CACNA1G: variants seen among roughly 807,000 people sequenced by gnomAD.
CACNA1G encodes calcium voltage-gated channel subunit alpha1 G, also known as voltage-dependent T-type calcium channel subunit alpha-1G.
CACNA1G carries 67 observed loss-of-function variants against 219.4 expected under a neutral mutation model. The observed-to-expected ratio is 0.31, with a 90% CI of 0.25 to 0.37. The LOEUF is 0.37. Ranked by LOEUF, CACNA1G falls within the 10% of genes least tolerant of loss-of-function variation. The pLI, the probability that CACNA1G is intolerant of heterozygous loss-of-function variation, is 1.00. For missense variants in CACNA1G, 2,380 were observed against 3,231.4 expected (o/e 0.74, Z 6.39); for synonymous variants, 1,296 against 1,345.3 (o/e 0.96, Z 0.80).
In CACNA1G at chr17:50,617,430, C is replaced by T. The variant is rs781604233; in HGVS notation, c.5022-8C>T. 1.9e-6 allele frequency: 3 copies of T among 1,611,316 alleles called. No homozygotes were observed. The East Asian group carries it at 6.7e-5, about 36-fold the overall frequency. On this transcript the variant is annotated splice_region_variant and splice_polypyrimidine_tract_variant and intron_variant, in intron 28 of 37. Transcript: ENST00000359106. The surrounding 1 kb of genome is among the most constrained non-coding windows in gnomAD (Gnocchi z 5.8). ...CCAACTCAGGGAGCTGTATTCTGGG[C>T]TTTCCAGGTGGAACCAGCTGGACCT...
chr17:50,601,227 G>C, intron 19 of CACNA1G, 53 bp downstream of exon 19: 1 of 1,597,508 alleles, frequency 6.3e-7, no homozygotes, highest in South Asian at 1.1e-5. Context: ...TTGCACTCAG[G>C]ACCAGTGAGG....
rs191877147 is a variant in CACNA1G at position 50,591,315 on chromosome 17, C to T, written c.2454-120C>T. 1,066 of 990,906 alleles carry T rather than the reference C, an allele frequency of 1.1e-3. 10 individuals are homozygous for T. In the African/African-American group the frequency reaches 0.016, roughly 15 times the overall value. 61.4% of individuals were successfully genotyped at this position (990,906 alleles called of 1,614,324 possible). On this transcript the variant is annotated intron_variant, in intron 10 of 37. Transcript: ENST00000359106. Reference sequence around the variant, plus strand: ...TTAGAGGTCTGGGGGCCCACCTGTGCCCCATTTTCTCTCGACGTGCCCACC... The same window carrying T: ...TTAGAGGTCTGGGGGCCCACCTGTGTCCCATTTTCTCTCGACGTGCCCACC...
chr17:50,564,163 T>TG (rs1249645068), intron 1 of CACNA1G, among the ~76,000 whole-genome samples: 8 of 141,644 alleles, frequency 5.6e-5, no homozygotes, highest in African/African-American at 1.0e-4. Flanking sequence ...TGTGTGTGTG[T>TG]TGCAAGGGAG....
rs115505422 is a variant in CACNA1G at position 50,570,194 on chromosome 17, C to G, written c.586+391C>G. ...AGCCTCTCATGCAATCTGGTTCTTGCTGGTGAGACACGCTGGCCACGCTGA... is the reference window on the plus strand; with the variant it reads ...AGCCTCTCATGCAATCTGGTTCTTGGTGGTGAGACACGCTGGCCACGCTGA... On this transcript the variant is annotated intron_variant, in intron 4 of 37. Coordinates refer to ENST00000359106, the MANE Select transcript of CACNA1G (RefSeq NM_018896.5). Among the ~76,000 whole-genome samples, 1,252 of 152,316 alleles carry G rather than the reference C, an allele frequency of 8.2e-3. 20 individuals are homozygous for G. The highest frequency in any genetic ancestry group is 0.028 in the African/African-American group (1,157 of 41,554).
At chr17:50,604,344 C>A in intron 22 of CACNA1G, 63 bp downstream of exon 22, 1 of 1,582,732 alleles carries the variant, frequency 6.3e-7, no homozygotes, top group South Asian at 1.1e-5. Context: ...CCCCTTGGCC[C>A]CTGGGTCCTA....
Position 50,617,837 on chromosome 17 carries a change from A to G in CACNA1G, c.5156-22A>G, listed in dbSNP as rs2050905247. On this transcript the variant is annotated intron_variant, in intron 29 of 37. Coordinates refer to ENST00000359106, the MANE Select transcript of CACNA1G (RefSeq NM_018896.5). This position sits in a 1 kb window ranked among gnomAD's most constrained non-coding sequence, Gnocchi z 5.8. ...GCCGGGGACCCAAAGAGGCCAGCTC[A>G]TGACGTTGTCCTGTTCTGCAGTGCT... 6.2e-7 allele frequency: 1 copy of G among 1,612,318 alleles called. No individual in the cohort carries two copies. Among genetic ancestry groups the G allele is most frequent in the South Asian group, 1.1e-5 (1 of 91,036 alleles).
intron 9 of CACNA1G, among the ~76,000 whole-genome samples, chr17:50,586,053 C>A (rs2412329): frequency 0.45 from 68,727 of 151,914 alleles, 16,568 homozygotes; most frequent in East Asian, 0.89. Context: ...GCCCCTCATG[C>A]CCTCTCTGCA....
At position 50,624,032 on chromosome 17, in the gene CACNA1G, G is replaced by T; in HGVS notation, c.6186G>T (p.Gly2062=). 2.5e-6 allele frequency: 4 copies of T among 1,612,776 alleles called. No homozygotes were observed. The highest frequency in any genetic ancestry group is 3.4e-6 in the Non-Finnish European group (4 of 1,179,720). ...YMCRHGSTAE[G]PLGHRGWGLP... ...GTCGGCATGGGAGCACTGCCGAGGG[G>T]CCCCTGGGACACAGGGGCTGGGGGC... Residue 2062 remains glycine, a synonymous_variant, in exon 36 of 38, where the codon GGG becomes GGT. Transcript: ENST00000359106.
chr17:50,574,571 C>T (rs539946403), intron 7 of CACNA1G, among the ~76,000 whole-genome samples: 18 of 152,178 alleles, frequency 1.2e-4, no homozygotes, highest in African/African-American at 4.3e-4. Flanking sequence ...GTGCCCCCCC[C>T]ACCCCCACTC....
chr17:50,610,777 A>G lies in CACNA1G; in HGVS notation c.4759+842A>G, dbSNP rs141070524. Among the ~76,000 whole-genome samples, 794 of 152,356 alleles carry G rather than the reference A, an allele frequency of 5.2e-3. 8 individuals are homozygous for G. The highest frequency in any genetic ancestry group is 8.4e-3 in the Non-Finnish European group (569 of 68,044). On this transcript the variant is annotated intron_variant, in intron 26 of 37. Coordinates refer to ENST00000359106, the MANE Select transcript of CACNA1G (RefSeq NM_018896.5). ...TGTCTATGAAGTTAAGAGCACTTCA[A>G]TAATGACTTTCTTTCATCATTTTTA...
intron 19 of CACNA1G, 142 bp from the exon 20 acceptor site, chr17:50,602,678 C>T (rs2046989810): frequency 2.9e-6 from 2 of 689,166 alleles, no homozygotes; most frequent in Admixed American, 2.1e-5. Flanking sequence ...ATGAGAGGGG[C>T]GTGATCTACA....
Position 50,618,821 on chromosome 17 carries a change from C to T in CACNA1G, c.5594C>T (p.Ala1865Val). 1 of 1,613,894 alleles carries T rather than the reference C, an allele frequency of 6.2e-7. No individual in the cohort carries two copies. Among genetic ancestry groups the T allele is most frequent in the East Asian group, 2.2e-5 (1 of 44,882 alleles). ...AGCAACAAGGAGGCCAAGGAGGAGGCCGAGCTAGAGGCTGAGCTGGAGCTG... is the reference window on the plus strand; with the variant it reads ...AGCAACAAGGAGGCCAAGGAGGAGGTCGAGCTAGAGGCTGAGCTGGAGCTG... Reference protein sequence around the residue: ...EESNKEAKEEAELEAELELEM... With the variant: ...EESNKEAKEEVELEAELELEM... Residue 1865 changes from alanine (A) to valine (V), a missense_variant, in exon 33 of 38, where the codon GCC becomes GTC. Ala to Val is a moderately conservative substitution (Grantham distance 64, BLOSUM62 0). Transcript: ENST00000359106. The surrounding 1 kb of genome is among the most constrained non-coding windows in gnomAD (Gnocchi z 5.3).
In CACNA1G at chr17:50,575,622, A is replaced by T. The variant is rs1385019855; in HGVS notation, c.1220A>T (p.Gln407Leu). 6.2e-7 allele frequency: 1 copy of T among 1,613,680 alleles called. No individual in the cohort carries two copies. The highest frequency in any genetic ancestry group is 8.5e-7 in the Non-Finnish European group (1 of 1,179,896). ...TCAGAGACCAAGCAGCGGGAAAGCC[A>T]GCTGATGCGGGAGCAGCGTGTGCGG... ...QFSETKQRES[Q>L]LMREQRVRFL... Residue 407 changes from glutamine (Q) to leucine (L), a missense_variant, in exon 8 of 38, where the codon CAG becomes CTG. Physicochemically the swap from Gln to Leu is moderately radical, Grantham distance 113. Coordinates refer to ENST00000359106, the MANE Select transcript of CACNA1G (RefSeq NM_018896.5).
In CACNA1G at chr17:50,626,663, C is replaced by T. The variant is rs2053874903; in HGVS notation, c.7046C>T (p.Pro2349Leu). 2 of 1,613,388 alleles carry T rather than the reference C, an allele frequency of 1.2e-6. No homozygotes were observed. The highest frequency in any genetic ancestry group is 1.7e-6 in the Non-Finnish European group (2 of 1,179,850). Residue 2349 changes from proline (P) to leucine (L), a missense_variant, in exon 38 of 38, where the codon CCT becomes CTT. Pro to Leu is a moderately conservative substitution (Grantham distance 98, BLOSUM62 -3). This residue lies in a region of CACNA1G where 672 missense variants were observed against 670.5 expected (regional missense o/e 1.00). Coordinates refer to ENST00000359106, the MANE Select transcript of CACNA1G (RefSeq NM_018896.5). This position sits in a 1 kb window ranked among gnomAD's most constrained non-coding sequence, Gnocchi z 4.3. Reference protein sequence around the residue: ...DSKDPLASGPPDSMAASPSPK... With the variant: ...DSKDPLASGPLDSMAASPSPK... ...AAGGATCCCTTGGCCTCTGGCCCCC[C>T]TGACAGCATGGCTGCCTCGCCCTCC... is the stretch of plus-strand genomic sequence containing the variant.
At chr17:50,569,144 C>A (rs1344165923) in intron 2 of CACNA1G, 21 bp from the exon 3 acceptor site, 1 of 1,610,526 alleles carries the variant, frequency 6.2e-7, no homozygotes, top group East Asian at 2.2e-5. Flanking sequence ...CAGTTTCAGC[C>A]ACCTCTTGTC....
intron 5 of CACNA1G, 31 bp downstream of exon 5, chr17:50,572,068 T>C: frequency 6.2e-7 from 1 of 1,603,250 alleles, no homozygotes. Flanking sequence ...AGGGAGGACC[T>C]GGGAGTGGTT....
At chr17:50,612,268 T>A (rs1469812803) in intron 26 of CACNA1G, among the ~76,000 whole-genome samples, 8 of 152,222 alleles carry the variant, frequency 5.3e-5, no homozygotes, top group Non-Finnish European at 4.4e-5. Flanking sequence ...AGCACTCCTG[T>A]CCTGGTGCTG....
At chr17:50,607,649 C>T in intron 24 of CACNA1G, 178 bp from the exon 25 acceptor site, 1 of 595,084 alleles carries the variant, frequency 1.7e-6, no homozygotes, top group South Asian at 2.1e-5. Context: ...TCTACTCTCC[C>T]CTTTACCACA....
chr17:50,569,358 A>G (rs567659601), intron 3 of CACNA1G, 60 bp downstream of exon 3: 2 of 1,580,204 alleles, frequency 1.3e-6, no homozygotes, highest in East Asian at 2.2e-5. Context: ...CCCCGGGGCC[A>G]GGGTTCTGGG....
Sources: gnomAD v4.1 joint callset for allele counts (sites outside exome capture counted in the v4.1 genomes callset) on GRCh38, gnomAD v4.1.1 for gene constraint, gnomAD v4.1.1 regional missense constraint, Gnocchi (gnomAD v3.1) non-coding constraint, MANE v1.5 for transcripts, NCBI Gene and HGNC (gene_info 2026-07-23, HGNC 2026-07-21) for gene names.